SMYD3: variants seen among roughly 807,000 people sequenced by gnomAD.
The protein encoded by SMYD3 is SET and MYND domain containing 3.
In SMYD3, 36 loss-of-function variants were observed where a neutral mutation model predicts 57.7. That is an observed-to-expected ratio of 0.62 (90% confidence interval 0.48 to 0.82). The LOEUF is 0.82. Ranked by LOEUF, SMYD3 falls within the 40% of genes least tolerant of loss-of-function variation. The probability of loss-of-function intolerance (pLI) is 0.00; values close to 1 mark genes in which losing one functional copy is unlikely to be tolerated. For missense variants in SMYD3, 515 were observed against 538.8 expected (o/e 0.96, Z 0.44); for synonymous variants, 211 against 195.0 (o/e 1.08, Z -0.68).
At chr1:245,965,145 T>A (rs1375463758) in intron 5 of SMYD3, among the ~76,000 whole-genome samples, 2 of 152,218 alleles carry the variant, frequency 1.3e-5, no homozygotes, top group African/African-American at 2.4e-5. Flanking sequence ...TTATTCTTAA[T>A]TGATCAACAC....
chr1:246,117,148 A>G (rs1293682109), intron 5 of SMYD3, among the ~76,000 whole-genome samples: 4 of 152,254 alleles, frequency 2.6e-5, no homozygotes, highest in Non-Finnish European at 5.9e-5. Context: ...AGATCTTAGA[A>G]CAAAACACAC....
At chr1:245,932,389 A>G (rs534403715) in intron 5 of SMYD3, among the ~76,000 whole-genome samples, 1 of 152,310 alleles carries the variant, frequency 6.6e-6, no homozygotes, top group African/African-American at 2.4e-5. Context: ...TGATTTCCTA[A>G]GATGACTTCC....
At chr1:245,877,296 T>C (rs1286998334) in intron 8 of SMYD3, among the ~76,000 whole-genome samples, 1 of 152,106 alleles carries the variant, frequency 6.6e-6, no homozygotes, top group African/African-American at 2.4e-5. Flanking sequence ...TAAAGCTGAA[T>C]TAAACGGTTC....
intron 10 of SMYD3, among the ~76,000 whole-genome samples, chr1:245,825,356 G>C (rs2049423257): frequency 6.6e-6 from 1 of 152,206 alleles, no homozygotes; most frequent in Non-Finnish European, 1.5e-5. Flanking sequence ...AGTTGTTCCT[G>C]AGTCTCATAT....
intron 10 of SMYD3, among the ~76,000 whole-genome samples, chr1:245,849,561 T>C (rs2050848853): frequency 6.6e-6 from 1 of 151,928 alleles, no homozygotes; most frequent in Non-Finnish European, 1.5e-5. Flanking sequence ...AACTTGGGCC[T>C]CTCTAAGGTG....
At chr1:246,332,722 C>T (rs2065480580) in intron 3 of SMYD3, among the ~76,000 whole-genome samples, 1 of 152,168 alleles carries the variant, frequency 6.6e-6, no homozygotes, top group African/African-American at 2.4e-5. Flanking sequence ...GCAGGACAAT[C>T]GCTTGAGCCT....
chr1:245,810,797 G>C (rs1322075379), intron 10 of SMYD3, among the ~76,000 whole-genome samples: 7 of 152,130 alleles, frequency 4.6e-5, no homozygotes, highest in Admixed American at 4.6e-4. Context: ...TTCCCCAACA[G>C]CAAATTGAAA....
At chr1:246,201,040 A>G (rs2062915406) in intron 5 of SMYD3, among the ~76,000 whole-genome samples, 1 of 152,228 alleles carries the variant, frequency 6.6e-6, no homozygotes, top group Non-Finnish European at 1.5e-5. Context: ...CAACATATTC[A>G]GCAAATCTTT....
chr1:246,235,179 T>C lies in SMYD3; in HGVS notation c.531+92022A>G, dbSNP rs546606844. On this transcript the variant is annotated intron_variant, in intron 5 of 11. Coordinates refer to ENST00000490107, the MANE Select transcript of SMYD3 (RefSeq NM_001167740.2). Reference sequence around the variant, plus strand: ...TAAGGTTGAGGCAGAAGATATACAATCATAGAAGAAAAGACAGGAGTTAAT... The same window carrying C: ...TAAGGTTGAGGCAGAAGATATACAACCATAGAAGAAAAGACAGGAGTTAAT... Among the ~76,000 whole-genome samples the C allele has an allele frequency of 5.3e-5, 8 of 152,236 alleles. No homozygotes were observed. In the East Asian group the frequency reaches 1.5e-3, roughly 29 times the overall value.
intron 4 of SMYD3, among the ~76,000 whole-genome samples, chr1:246,329,530 A>G (rs1198556430): frequency 2.6e-5 from 4 of 151,672 alleles, no homozygotes; most frequent in Non-Finnish European, 5.9e-5. Flanking sequence ...CCACTTTTTG[A>G]TGGGGTTGTT....
chr1:246,037,407 C>T (rs1458400388), intron 5 of SMYD3, among the ~76,000 whole-genome samples: 2 of 152,174 alleles, frequency 1.3e-5, no homozygotes, highest in East Asian at 3.9e-4. Flanking sequence ...AGGAAGCTCA[C>T]CCCTGAGGAC....
intron 5 of SMYD3, chr1:246,325,822 T>C (rs2065340198): frequency 6.6e-6 from 1 of 152,240 alleles, no homozygotes; most frequent in Non-Finnish European, 1.5e-5. Context: ...ATAATCATCA[T>C]AAGGTATATT....
chr1:245,757,915 G>A (rs1328247823), intron 11 of SMYD3, among the ~76,000 whole-genome samples: 2 of 151,982 alleles, frequency 1.3e-5, no homozygotes, highest in African/African-American at 2.4e-5. Flanking sequence ...GGGATTCCTT[G>A]AGGTTCCATA....
intron 5 of SMYD3, among the ~76,000 whole-genome samples, chr1:246,074,374 A>AAC (rs1553281312): frequency 1.3e-5 from 2 of 152,134 alleles, no homozygotes; most frequent in South Asian, 2.1e-4. Flanking sequence ...TTAAAAAAAA[A>AAC]AAACAAACTG....
chr1:246,415,007 G>A (rs144825401), intron 1 of SMYD3, among the ~76,000 whole-genome samples: 33 of 152,184 alleles, frequency 2.2e-4, no homozygotes, highest in African/African-American at 2.9e-4. Flanking sequence ...GTGAGCCACC[G>A]CGCCCGGCTG....
chr1:245,765,043 C>T (rs2046012460), intron 10 of SMYD3, among the ~76,000 whole-genome samples: 1 of 120,398 alleles, frequency 8.3e-6, no homozygotes, highest in Admixed American at 8.4e-5. Context: ...GGTGGAAATG[C>T]CTACACACAC....
intron 5 of SMYD3, among the ~76,000 whole-genome samples, chr1:246,275,282 C>G (rs2064307793): frequency 6.6e-6 from 1 of 152,254 alleles, no homozygotes. Context: ...ATGGCTCATT[C>G]TGGCACCCAG....
At chr1:246,079,198 G>A (rs2060597145) in intron 5 of SMYD3, among the ~76,000 whole-genome samples, 1 of 152,146 alleles carries the variant, frequency 6.6e-6, no homozygotes, top group African/African-American at 2.4e-5. Flanking sequence ...CACATCATAT[G>A]TACAGCTTCA....
At chr1:245,886,125 A>G (rs945491916) in intron 8 of SMYD3, among the ~76,000 whole-genome samples, 4 of 152,248 alleles carry the variant, frequency 2.6e-5, no homozygotes, top group African/African-American at 4.8e-5. Flanking sequence ...AAGCAAGATA[A>G]TTCCAAATTA....
Sources: gnomAD v4.1 joint callset for allele counts (sites outside exome capture counted in the v4.1 genomes callset) on GRCh38, gnomAD v4.1.1 for gene constraint, MANE v1.5 for transcripts, NCBI Gene and HGNC (gene_info 2026-07-23, HGNC 2026-07-21) for gene names.